Variants in LRP1B observed in about 807,000 individuals in gnomAD.
LRP1B encodes the protein low-density lipoprotein receptor-related protein 1B.
Under a neutral mutation model 556.6 loss-of-function variants are expected in LRP1B, and 217 were observed. The observed-to-expected ratio is 0.39, with a 90% CI of 0.35 to 0.44. LRP1B has a LOEUF of 0.44. Among genes scored for constraint, LRP1B ranks in the 20% least tolerant of loss-of-function variants. LRP1B has a pLI of 1.00. For missense variants in LRP1B, 5,053 were observed against 5,620.8 expected (o/e 0.90, Z 3.23); for synonymous variants, 2,047 against 1,865.8 (o/e 1.10, Z -2.50).
At chr2:141,634,086 A>G (rs1689012584) in intron 2 of LRP1B, among the ~76,000 whole-genome samples, 1 of 151,908 alleles carries the variant, frequency 6.6e-6, no homozygotes, top group African/African-American at 2.4e-5. Context: ...GTATTTAGAA[A>G]ACAAAAAAGC....
chr2:140,369,277 A>T (rs1311475228), intron 71 of LRP1B, among the ~76,000 whole-genome samples: 1 of 151,882 alleles, frequency 6.6e-6, no homozygotes, highest in Non-Finnish European at 1.5e-5. Context: ...AGTAAATAGG[A>T]TGTATTGGAG....
chr2:141,046,522 G>A (rs990375416), intron 11 of LRP1B, among the ~76,000 whole-genome samples: 2 of 152,106 alleles, frequency 1.3e-5, no homozygotes, highest in African/African-American at 4.8e-5. Context: ...AGACAAAAAT[G>A]TTAAATATAT....
chr2:140,971,146 C>T (rs1011673897), intron 18 of LRP1B, among the ~76,000 whole-genome samples: 3 of 152,088 alleles, frequency 2.0e-5, no homozygotes, highest in Admixed American at 6.5e-5. Flanking sequence ...TCTTTGCAGA[C>T]GTAAAGTTAA....
At chr2:140,888,068 T>A (rs187759392) in intron 23 of LRP1B, among the ~76,000 whole-genome samples, 65 of 152,282 alleles carry the variant, frequency 4.3e-4, no homozygotes, top group African/African-American at 1.4e-3. Context: ...TGGTAATGAC[T>A]GTAAGAACTT....
At chr2:140,823,767 C>A (rs1339489272) in intron 31 of LRP1B, among the ~76,000 whole-genome samples, 1 of 151,416 alleles carries the variant, frequency 6.6e-6, no homozygotes, top group African/African-American at 2.4e-5. Context: ...ATTTGCATAG[C>A]AGTTTTAAAT....
At chr2:141,642,956 G>T (rs1689399693) in intron 2 of LRP1B, among the ~76,000 whole-genome samples, 1 of 152,054 alleles carries the variant, frequency 6.6e-6, no homozygotes, top group Non-Finnish European at 1.5e-5. Context: ...TAAAGGGTGG[G>T]TCGAGACCAA....
chr2:141,426,781 G>A (rs1321853360), intron 3 of LRP1B, among the ~76,000 whole-genome samples: 4 of 152,174 alleles, frequency 2.6e-5, no homozygotes, highest in African/African-American at 4.8e-5. Context: ...CAGAAAGAGT[G>A]AGGGTTAAAA....
intron 1 of LRP1B, among the ~76,000 whole-genome samples, chr2:141,969,635 T>G (rs1192151955): frequency 6.6e-6 from 1 of 151,708 alleles, no homozygotes; most frequent in East Asian, 1.9e-4. Flanking sequence ...CACCATACTT[T>G]ATCCATTCAT....
intron 3 of LRP1B, among the ~76,000 whole-genome samples, chr2:141,404,701 G>T (rs1690568287): frequency 6.6e-6 from 1 of 152,148 alleles, no homozygotes; most frequent in African/African-American, 2.4e-5. Flanking sequence ...TACGTGATCA[G>T]TTCCTATCGT....
At chr2:141,941,426 C>T (rs1339878807) in intron 1 of LRP1B, among the ~76,000 whole-genome samples, 2 of 152,204 alleles carry the variant, frequency 1.3e-5, no homozygotes, top group Non-Finnish European at 2.9e-5. Flanking sequence ...ACAGTCAATA[C>T]TGTAATAGAT....
At chr2:141,316,620 G>C (rs1240286647) in intron 3 of LRP1B, among the ~76,000 whole-genome samples, 1 of 152,164 alleles carries the variant, frequency 6.6e-6, no homozygotes, top group African/African-American at 2.4e-5. Context: ...TGAGGAAAAA[G>C]TGCCACATAT....
intron 3 of LRP1B, among the ~76,000 whole-genome samples, chr2:141,433,197 A>G (rs1680630101): frequency 6.6e-6 from 1 of 151,866 alleles, no homozygotes; most frequent in East Asian, 1.9e-4. Flanking sequence ...ATATTTTCCA[A>G]ATTTCCTTCT....
At chr2:141,228,612 T>G (rs1216540402) in intron 6 of LRP1B, among the ~76,000 whole-genome samples, 1 of 151,458 alleles carries the variant, frequency 6.6e-6, no homozygotes, top group Non-Finnish European at 1.5e-5. Flanking sequence ...TGTGTGTGTA[T>G]GTGTGACAAT....
At chr2:141,943,533 G>A (rs1001927289) in intron 1 of LRP1B, among the ~76,000 whole-genome samples, 1 of 152,058 alleles carries the variant, frequency 6.6e-6, no homozygotes, top group Non-Finnish European at 1.5e-5. Flanking sequence ...TAGTGACTAT[G>A]ATTTACCATT....
chr2:140,254,121 GTACAGGGTTATGAGACTTGAAATTA>G lies in LRP1B; in HGVS notation c.13248-6984_13248-6960del, dbSNP rs769738690. ...CTTCCTATTTCTTAGGGTCTCAGAG[GTACAGGGTTATGAGACTTGAAATTA>G]TAAAGGCGATGTCTGGCATATTCAA... On this transcript the variant is annotated intron_variant, in intron 86 of 90. Coordinates refer to ENST00000389484, the MANE Select transcript of LRP1B (RefSeq NM_018557.3). Among the ~76,000 whole-genome samples the G allele has an allele frequency of 1.1e-3, 174 of 152,056 alleles. 2 individuals are homozygous for G. Among genetic ancestry groups the G allele is most frequent in the Admixed American group, 3.3e-4 (5 of 15,248 alleles).
At chr2:141,941,766 A>G (rs1700810844) in intron 1 of LRP1B, among the ~76,000 whole-genome samples, 1 of 152,198 alleles carries the variant, frequency 6.6e-6, no homozygotes, top group Admixed American at 6.5e-5. Context: ...GGAAGTCATT[A>G]GTGTGTTTTA....
intron 41 of LRP1B, chr2:140,683,235 G>T (rs748300271): frequency 2.1e-4 from 59 of 279,264 alleles, no homozygotes; most frequent in Middle Eastern, 1.2e-3. Context: ...ATTGAACACT[G>T]GTCTGTGTAT....
At chr2:140,696,560 C>T (rs553677853) in intron 41 of LRP1B, among the ~76,000 whole-genome samples, 2 of 152,156 alleles carry the variant, frequency 1.3e-5, no homozygotes, top group East Asian at 3.9e-4. Flanking sequence ...TCAGAGGTTG[C>T]CAACCCCTGG....
At chr2:141,106,983 GTTT>G (rs564427634) in intron 7 of LRP1B, among the ~76,000 whole-genome samples, 1 of 147,916 alleles carries the variant, frequency 6.8e-6, no homozygotes, top group Non-Finnish European at 1.5e-5. Context: ...TAAACTAATT[GTTT>G]TTTTTTTCTT....
Sources: gnomAD v4.1 joint callset for allele counts (sites outside exome capture counted in the v4.1 genomes callset) on GRCh38, gnomAD v4.1.1 for gene constraint, MANE v1.5 for transcripts, NCBI Gene and HGNC (gene_info 2026-07-23, HGNC 2026-07-21) for gene names.